Variants in PTPRR observed in about 807,000 individuals in gnomAD.
The protein encoded by PTPRR is protein tyrosine phosphatase receptor type R.
In PTPRR, 38 loss-of-function variants were observed where a neutral mutation model predicts 77.2. That is an observed-to-expected ratio of 0.49 (90% CI 0.38 to 0.65). The LOEUF is 0.65. Ranked by LOEUF, PTPRR falls within the 30% of genes least tolerant of loss-of-function variation. The pLI, the probability that PTPRR is intolerant of heterozygous loss-of-function variation, is 0.00. For missense variants in PTPRR, 744 were observed against 799.2 expected, an observed-to-expected ratio of 0.93 and a Z score of 0.83; for synonymous variants, 299 against 283.1, an observed-to-expected ratio of 1.06 and a Z score of -0.57.
intron 5 of PTPRR, among the ~76,000 whole-genome samples, chr12:70,750,903 A>AT (rs1555172677): frequency 1.5e-4 from 20 of 133,900 alleles, no homozygotes; most frequent in African/African-American, 5.4e-4. Flanking sequence ...GATTTTTTAA[A>AT]CCCTTTTTTT....
At chr12:70,662,017 G>T (rs1464615718) in intron 11 of PTPRR, among the ~76,000 whole-genome samples, 1 of 152,168 alleles carries the variant, frequency 6.6e-6, no homozygotes, top group Non-Finnish European at 1.5e-5. Flanking sequence ...TCTGGGGAAA[G>T]TCCCTATAAA....
intron 3 of PTPRR, among the ~76,000 whole-genome samples, chr12:70,763,509 A>C (rs1890740499): frequency 6.6e-6 from 1 of 152,210 alleles, no homozygotes; most frequent in Non-Finnish European, 1.5e-5. Context: ...TACTTCTAGA[A>C]CATTGTTGAT....
At chr12:70,719,612 A>G (rs760529816) in intron 6 of PTPRR, among the ~76,000 whole-genome samples, 5 of 152,198 alleles carry the variant, frequency 3.3e-5, no homozygotes, top group Non-Finnish European at 5.9e-5. Flanking sequence ...GCTTGCCTCT[A>G]CAACAAATCT....
chr12:70,745,861 A>C lies in PTPRR; in HGVS notation c.964T>G (p.Cys322Gly). 1.2e-6 allele frequency: 2 copies of C among 1,614,112 alleles called. No individual in the cohort carries two copies. The highest frequency in any genetic ancestry group is 1.7e-6 in the Non-Finnish European group (2 of 1,180,016). Reference protein sequence around the residue: ...EIKATTATSVCPSPFKMKPIG... With the variant: ...EIKATTATSVGPSPFKMKPIG... ...GGCTTCATTTTGAAAGGAGAAGGGC[A>C]AACAGAGGTAGCGGTGGTAGCTTTG... is the stretch of plus-strand genomic sequence containing the variant. Residue 322 changes from cysteine (C) to glycine (G), a missense_variant, in exon 6 of 14, where the codon TGC (cysteine) becomes GGC (glycine). Cys to Gly is a radical substitution (Grantham distance 159). Transcript: ENST00000283228.
At position 70,825,234 on chromosome 12, in the gene PTPRR, C is replaced by T. The variant is rs1339666343; in HGVS notation, c.358-60456G>A. Among the ~76,000 whole-genome samples, 12 of 151,812 alleles carry T rather than the reference C, an allele frequency of 7.9e-5. No individual in the cohort carries two copies. The South Asian group carries it at 2.1e-3, about 26-fold the overall frequency. ...TGGAGGTTGCAGTGAGCCAAGATAG[C>T]GCCACTACACTCCAGCCTGGGCGAC... is the stretch of plus-strand genomic sequence containing the variant. On this transcript the variant is annotated intron_variant, in intron 2 of 13. Coordinates refer to ENST00000283228, the MANE Select transcript of PTPRR (RefSeq NM_002849.4).
intron 2 of PTPRR, among the ~76,000 whole-genome samples, chr12:70,857,261 G>A (rs117712143): frequency 6.6e-6 from 1 of 152,180 alleles, no homozygotes; most frequent in African/African-American, 2.4e-5. Flanking sequence ...AACAGACAGA[G>A]TAGTAGTAGG....
chr12:70,669,559 T>TACACACACACACACACACAC (rs566522694), intron 10 of PTPRR, among the ~76,000 whole-genome samples: 1 of 141,726 alleles, frequency 7.1e-6, no homozygotes, highest in Non-Finnish European at 1.5e-5. Context: ...ATATATGTTA[T>TACACACACACACACACACAC]ACACACACAC....
At chr12:70,789,016 C>T (rs780943792) in intron 2 of PTPRR, 342 of 626,720 alleles carry the variant, frequency 5.5e-4, no homozygotes, top group Non-Finnish European at 7.7e-4. Context: ...TCTACTGCAG[C>T]AGCCTGTGCT....
intron 2 of PTPRR, among the ~76,000 whole-genome samples, chr12:70,882,014 G>A (rs1029805762): frequency 6.6e-6 from 1 of 152,084 alleles, no homozygotes; most frequent in South Asian, 2.1e-4. Context: ...TTTGCGTTAC[G>A]CTGTTGGATT....
chr12:70,899,546 C>A (rs1257841078), intron 1 of PTPRR, among the ~76,000 whole-genome samples: 1 of 151,238 alleles, frequency 6.6e-6, no homozygotes, highest in Non-Finnish European at 1.5e-5. Context: ...AATTAAGTAA[C>A]CTAGAAATAG....
intron 2 of PTPRR, among the ~76,000 whole-genome samples, chr12:70,847,028 C>T (rs1565717033): frequency 6.6e-6 from 1 of 152,112 alleles, no homozygotes; most frequent in Non-Finnish European, 1.5e-5. Context: ...CACTGTACAT[C>T]CTAGTGCCTG....
intron 2 of PTPRR, among the ~76,000 whole-genome samples, chr12:70,815,751 A>C (rs1891892009): frequency 6.6e-6 from 1 of 152,156 alleles, no homozygotes; most frequent in Admixed American, 6.5e-5. Flanking sequence ...GGTCTCATTC[A>C]TTGATTAACT....
At chr12:70,666,908 C>G (rs531395468) in intron 10 of PTPRR, among the ~76,000 whole-genome samples, 2 of 129,428 alleles carry the variant, frequency 1.5e-5, no homozygotes, top group East Asian at 4.2e-4. Flanking sequence ...TCACATTGAC[C>G]ATTTTTGATT....
chr12:70,774,137 G>T (rs1592749717), intron 2 of PTPRR, among the ~76,000 whole-genome samples: 1 of 151,970 alleles, frequency 6.6e-6, no homozygotes, highest in African/African-American at 2.4e-5. Flanking sequence ...CCCTTCCCTT[G>T]CAAGGCCAAA....
At chr12:70,829,602 T>C (rs1892176115) in intron 2 of PTPRR, among the ~76,000 whole-genome samples, 1 of 152,200 alleles carries the variant, frequency 6.6e-6, no homozygotes, top group Non-Finnish European at 1.5e-5. Flanking sequence ...AATGCGTCCT[T>C]TGAAAAACCA....
In PTPRR at chr12:70,788,479, T is replaced by C. The variant is rs1006180227; in HGVS notation, c.358-23701A>G. On this transcript the variant is annotated intron_variant, in intron 2 of 13. Transcript: ENST00000283228. ...CACACTAAACAAAACAAAGAAAATA[T>C]CTGCTCCACTCAATGTCTTTTAAGA... Among the ~76,000 whole-genome samples, 16 of 152,216 alleles carry C rather than the reference T, an allele frequency of 1.1e-4. 1 individual carries two copies. Among genetic ancestry groups the C allele is most frequent in the African/African-American group, 2.9e-4 (12 of 41,460 alleles).
At chr12:70,858,967 T>TTA (rs1892700656) in intron 2 of PTPRR, among the ~76,000 whole-genome samples, 1 of 151,500 alleles carries the variant, frequency 6.6e-6, no homozygotes, top group Non-Finnish European at 1.5e-5. Flanking sequence ...TTTTTTTTTT[T>TTA]ACATTGGCTC....
At chr12:70,659,945 A>G (rs1886732783) in intron 12 of PTPRR, among the ~76,000 whole-genome samples, 1 of 134,088 alleles carries the variant, frequency 7.5e-6, no homozygotes, top group South Asian at 2.5e-4. Flanking sequence ...AGGCCAAGAC[A>G]GGTGGATCAC....
rs763366766 is a variant in PTPRR at position 70,745,837 on chromosome 12, G to C, written c.988C>G (p.Pro330Ala). The part of the protein sequence containing the change: ...SVCPSPFKMK[P>A]IGLQERRGSN... ...TCTTACCTCTCTTGAAGTCCTATGG[G>C]CTTCATTTTGAAAGGAGAAGGGCAA... The change falls in exon 6 of 14, where the codon CCC becomes GCC. Residue 330 changes from proline to alanine, a missense_variant. This residue lies in a region of PTPRR where 570 missense variants were observed against 573.2 expected (regional missense o/e 0.99). Coordinates refer to ENST00000283228, the MANE Select transcript of PTPRR (RefSeq NM_002849.4). 1 of 1,613,872 alleles carries C rather than the reference G, an allele frequency of 6.2e-7. No individual in the cohort carries two copies. The highest frequency in any genetic ancestry group is 1.7e-5 in the Admixed American group (1 of 59,982).
Sources: allele counts gnomAD v4.1 joint callset (sites outside exome capture counted in the v4.1 genomes callset), GRCh38; gene constraint gnomAD v4.1.1; regional missense constraint gnomAD v4.1.1; transcripts MANE v1.5; gene names NCBI Gene and HGNC (gene_info 2026-07-23, HGNC 2026-07-21).